The following DYTN variants were observed in gnomAD, a reference collection of about 807,000 sequenced individuals.
The protein encoded by DYTN is dystrotelin.
Under a neutral mutation model 69.6 loss-of-function variants are expected in DYTN, and 75 were observed. The observed-to-expected ratio is 1.08, with a 90% CI of 0.89 to 1.31. The LOEUF (loss-of-function observed/expected upper bound fraction) is 1.31. Ranked by LOEUF, DYTN falls within the 50% of genes most tolerant of loss-of-function variation. The pLI, the probability that DYTN is intolerant of heterozygous loss-of-function variation, is 0.00. For synonymous variants in DYTN, 252 were observed against 249.1 expected (o/e 1.01, Z -0.11); for missense variants, 726 against 688.4 (o/e 1.05, Z -0.61).
rs143516792 is a variant in DYTN, at chr2:206,709,668, A to C, written c.94+856T>G. On this transcript the variant is annotated intron_variant, in intron 2 of 11. Coordinates refer to ENST00000452335, the MANE Select transcript of DYTN (RefSeq NM_001093730.1). ...AAACCACTGCCCTATATAACTTTTT[A>C]GGCAGGAGGAAAAATATTTTTAAAT... Among the ~76,000 whole-genome samples the C allele has an allele frequency of 4.3e-4, 65 of 152,272 alleles. No homozygotes were observed. The East Asian group carries it at 0.011, about 27-fold the overall frequency.
chr2:206,661,283 GCAAAC>G (rs1699508569), intron 11 of DYTN, among the ~76,000 whole-genome samples: 1 of 152,152 alleles, frequency 6.6e-6, no homozygotes, highest in African/African-American at 2.4e-5. Context: ...AGCAGCCCCA[GCAAAC>G]TAATACGCCA....
At chr2:206,693,361 C>T (rs1164920215) in intron 8 of DYTN, 38 bp from the exon 9 acceptor site, 11 of 1,600,832 alleles carry the variant, frequency 6.9e-6, no homozygotes, top group East Asian at 2.2e-5. Flanking sequence ...AGCGTCAGAT[C>T]AGTCTACGTG....
At chr2:206,705,142 G>A (rs1046989847) in intron 4 of DYTN, 199 bp from the exon 5 acceptor site, 1 of 565,862 alleles carries the variant, frequency 1.8e-6, no homozygotes, top group East Asian at 3.0e-5. Flanking sequence ...TGTTCCCCAG[G>A]TTAGAGTGCA....
chr2:206,712,683 C>A (rs944265128), intron 1 of DYTN, among the ~76,000 whole-genome samples: 1 of 152,188 alleles, frequency 6.6e-6, no homozygotes, highest in African/African-American at 2.4e-5. Context: ...AGCCACCCAG[C>A]ATCCATTTTT....
intron 3 of DYTN, among the ~76,000 whole-genome samples, chr2:206,706,899 C>CTA (rs1254227170): frequency 1.9e-5 from 2 of 103,424 alleles, no homozygotes; most frequent in Non-Finnish European, 3.9e-5. Flanking sequence ...CTTATTCTAG[C>CTA]TAAAAAAAAA....
At chr2:206,716,379 T>A (rs532382721) in intron 1 of DYTN, among the ~76,000 whole-genome samples, 4 of 152,130 alleles carry the variant, frequency 2.6e-5, no homozygotes, top group Non-Finnish European at 4.4e-5. Context: ...TGTATATCCA[T>A]CCAACAGTCA....
chr2:206,685,610 T>C (rs1235479048), intron 9 of DYTN, among the ~76,000 whole-genome samples: 1 of 152,110 alleles, frequency 6.6e-6, no homozygotes, highest in Non-Finnish European at 1.5e-5. Context: ...CAAAAAACCC[T>C]GGATAAAACA....
intron 9 of DYTN, among the ~76,000 whole-genome samples, chr2:206,690,850 A>G (rs974577264): frequency 2.6e-5 from 4 of 152,208 alleles, no homozygotes; most frequent in Admixed American, 6.5e-5. Context: ...TGGCTTAGTC[A>G]TATGTGAGGC....
In DYTN at chr2:206,693,158, T is replaced by C. The variant is rs572557684; in HGVS notation, c.980+17A>G. ...GTGGCTGCTCTGTGGGATCAGCCAA[T>C]CCTCGCAGCCACTCACCTGGCCTGC... On this transcript the variant is annotated intron_variant, in intron 9 of 11. Coordinates refer to ENST00000452335, the MANE Select transcript of DYTN (RefSeq NM_001093730.1). 1 of 1,596,112 alleles carries C rather than the reference T, an allele frequency of 6.3e-7. No individual in the cohort carries two copies. The highest frequency in any genetic ancestry group is 1.1e-5 in the South Asian group (1 of 89,078).
rs563193234 is a variant in DYTN, at chr2:206,682,679, C to T, written c.980+10496G>A. Among the ~76,000 whole-genome samples, 3 of 152,174 alleles carry T rather than the reference C, an allele frequency of 2.0e-5. 1 individual carries two copies. The South Asian group carries it at 6.2e-4, about 32-fold the overall frequency. ...CCCAAATTTGTATCTCCAGTACAGA[C>T]CCTTTTTTCCAAGTTCCAGCTATGA... On this transcript the variant is annotated intron_variant, in intron 9 of 11. Coordinates refer to ENST00000452335, the MANE Select transcript of DYTN (RefSeq NM_001093730.1).
At chr2:206,717,190 C>A (rs1177097196) in intron 1 of DYTN, among the ~76,000 whole-genome samples, 1 of 152,164 alleles carries the variant, frequency 6.6e-6, no homozygotes, top group Non-Finnish European at 1.5e-5. Context: ...TGTTCTTCTT[C>A]ATGGAAGCAA....
chr2:206,714,705 C>T (rs1700111189), intron 1 of DYTN, among the ~76,000 whole-genome samples: 1 of 151,948 alleles, frequency 6.6e-6, no homozygotes, highest in African/African-American at 2.4e-5. Context: ...TGAATGGCTG[C>T]ATGGTGTAGC....
intron 2 of DYTN, among the ~76,000 whole-genome samples, chr2:206,708,923 C>G (rs1182661584): frequency 6.6e-6 from 1 of 152,154 alleles, no homozygotes; most frequent in Non-Finnish European, 1.5e-5. Flanking sequence ...AATTACGCTA[C>G]GGAACATACT....
At chr2:206,654,080 A>C (rs923641260) in intron 11 of DYTN, among the ~76,000 whole-genome samples, 1 of 152,224 alleles carries the variant, frequency 6.6e-6, no homozygotes, top group Non-Finnish European at 1.5e-5. Flanking sequence ...TGAATGAATG[A>C]ATTAGCGATT....
chr2:206,661,859 T>G (rs1236241705), intron 11 of DYTN, among the ~76,000 whole-genome samples: 3 of 152,214 alleles, frequency 2.0e-5, no homozygotes, highest in Admixed American at 1.3e-4. Flanking sequence ...ATCAACTGTG[T>G]ATGTGTGTCT....
In DYTN at chr2:206,705,834, A is replaced by G. The variant is rs773239367; in HGVS notation, c.336T>C (p.Ala112=). 6 of 1,613,890 alleles carry G rather than the reference A, an allele frequency of 3.7e-6. No individual in the cohort carries two copies. The East Asian group carries it at 1.1e-4, about 30-fold the overall frequency. The change falls in exon 4 of 12, where the codon GCT becomes GCC. Residue 112 remains alanine, a synonymous_variant. Coordinates refer to ENST00000452335, the MANE Select transcript of DYTN (RefSeq NM_001093730.1). ...TGTCTCCTGAGAGGGTTATTAGGGC[A>G]GCGGCCGCAGGCATAAGCTGGAGAA... is the stretch of plus-strand genomic sequence containing the variant. The part of the protein sequence containing the change: ...TGFLQLMPAA[A]ALITLSGDSP...
chr2:206,675,462 A>G (rs1699676994), intron 9 of DYTN, among the ~76,000 whole-genome samples: 2 of 151,842 alleles, frequency 1.3e-5, no homozygotes, highest in South Asian at 2.1e-4. Flanking sequence ...TCAAAAAGCC[A>G]TAGCTTTCCA....
chr2:206,716,701 A>G (rs897524913), intron 1 of DYTN, among the ~76,000 whole-genome samples: 10 of 152,128 alleles, frequency 6.6e-5, no homozygotes, highest in African/African-American at 2.2e-4. Context: ...AATAATTTAC[A>G]ATAGTGTAAT....
chr2:206,715,732 A>G (rs1251486193), intron 1 of DYTN, among the ~76,000 whole-genome samples: 3 of 152,190 alleles, frequency 2.0e-5, no homozygotes, highest in Non-Finnish European at 2.9e-5. Flanking sequence ...GGCAGAGAGG[A>G]GGTTAGAGAA....
Sources: allele counts gnomAD v4.1 joint callset (sites outside exome capture counted in the v4.1 genomes callset), GRCh38; gene constraint gnomAD v4.1.1; transcripts MANE v1.5; gene names NCBI Gene and HGNC (gene_info 2026-07-23, HGNC 2026-07-21).